The following SCAI variants were observed in gnomAD, a reference collection of about 807,000 sequenced individuals.
SCAI encodes protein SCAI.
Under a neutral mutation model 92.2 loss-of-function variants are expected in SCAI, and 24 were observed. That is an observed-to-expected ratio of 0.26 (90% confidence interval 0.19 to 0.37). The LOEUF (loss-of-function observed/expected upper bound fraction) is 0.37. SCAI is among the 10% of genes least tolerant of loss of function. The probability of loss-of-function intolerance (pLI) is 1.00; values close to 1 mark genes in which losing one functional copy is unlikely to be tolerated. For synonymous variants in SCAI, 261 were observed against 258.6 expected, an observed-to-expected ratio of 1.01 and a Z score of -0.09; for missense variants, 450 against 736.2, an observed-to-expected ratio of 0.61 and a Z score of 4.50.
intron 6 of SCAI, among the ~76,000 whole-genome samples, chr9:125,021,119 G>A (rs908024405): frequency 5.9e-5 from 9 of 152,028 alleles, no homozygotes; most frequent in Admixed American, 2.6e-4. Context: ...ACAACACAAC[G>A]GAATAATATA....
At chr9:125,024,959 G>A (rs967939771) in intron 6 of SCAI, among the ~76,000 whole-genome samples, 8 of 152,210 alleles carry the variant, frequency 5.3e-5, no homozygotes, top group Non-Finnish European at 1.0e-4. Context: ...TCCTGGTCTC[G>A]ACATAATCCT....
rs1831080616 is a variant in SCAI, at chr9:124,942,852, A to G, written c.*9955T>C. ...ATCCTCTAGTACTGAAGTGCCCTCA[A>G]GGTGGTAGGCACTGTATAGCAGGAG... On this transcript the variant is annotated 3_prime_UTR_variant, in exon 18 of 18. Transcript: ENST00000336505. The G allele has an allele frequency of 6.6e-6, 1 of 152,234 alleles. No homozygotes were observed. The highest frequency in any genetic ancestry group is 2.4e-5 in the African/African-American group (1 of 41,448). 9.4% of individuals were successfully genotyped at this position (152,234 alleles called of 1,614,324 possible).
chr9:124,964,614 T>A (rs1831503762), intron 17 of SCAI, among the ~76,000 whole-genome samples: 1 of 152,192 alleles, frequency 6.6e-6, no homozygotes, highest in African/African-American at 2.4e-5. Context: ...GGACCCCCCA[T>A]CTAGAGGCTG....
In SCAI at chr9:125,042,615, A is replaced by ATGTGTGTGTGTGTGTGTGTGTGTG. The variant is rs150983142; in HGVS notation, c.231-12877_231-12876insCACACACACACACACACACACACA. On this transcript the variant is annotated intron_variant, in intron 3 of 17. Transcript: ENST00000336505. ...CTAAATGCATGGCTTCCACCAGAGT[A>ATGTGTGTGTGTGTGTGTGTGTGTG]TGTGTGTGTGTGTGTGTGTACACAC... Among the ~76,000 whole-genome samples the ATGTGTGTGTGTGTGTGTGTGTGTG allele has an allele frequency of 4.7e-4, 49 of 105,198 alleles. 1 individual carries two copies. The highest frequency in any genetic ancestry group is 3.5e-3 in the Admixed American group (35 of 10,088). 69.0% of individuals were successfully genotyped at this position (105,198 alleles called of 152,430 possible).
At chr9:124,956,989 ATTT>A (rs35575491) in intron 17 of SCAI, among the ~76,000 whole-genome samples, 1 of 141,190 alleles carries the variant, frequency 7.1e-6, no homozygotes, top group Non-Finnish European at 1.5e-5. Context: ...GGTCAACTGT[ATTT>A]TTTTTTTTTT....
chr9:124,986,058 A>C, intron 14 of SCAI, among the ~76,000 whole-genome samples: 1 of 152,090 alleles, frequency 6.6e-6, no homozygotes, highest in East Asian at 1.9e-4. Flanking sequence ...TTGGGAGGCC[A>C]AGGCAGGCAG....
chr9:124,980,950 C>A lies in SCAI; in HGVS notation c.1327-4764G>T, dbSNP rs181414930. Among the ~76,000 whole-genome samples the A allele has an allele frequency of 1.6e-4, 24 of 152,206 alleles. No homozygotes were observed. In the East Asian group the frequency reaches 4.2e-3, roughly 27 times the overall value. ...AAATTTTAGGCCTGAGAAATAGTTTCTTTAAGGTGCTTTACATGTGGCTTT... is the reference window on the plus strand; with the variant it reads ...AAATTTTAGGCCTGAGAAATAGTTTATTTAAGGTGCTTTACATGTGGCTTT... On this transcript the variant is annotated intron_variant, in intron 14 of 17. Coordinates refer to ENST00000336505, the MANE Select transcript of SCAI (RefSeq NM_001144877.3).
chr9:125,090,152 T>C (rs1027661193), intron 2 of SCAI, among the ~76,000 whole-genome samples: 2 of 152,210 alleles, frequency 1.3e-5, no homozygotes, highest in Admixed American at 6.5e-5. Context: ...GTATACATAC[T>C]AGGAGCTAGG....
intron 17 of SCAI, among the ~76,000 whole-genome samples, chr9:124,964,470 GC>G (rs1831501254): frequency 6.6e-6 from 1 of 152,140 alleles, no homozygotes; most frequent in African/African-American, 2.4e-5. Context: ...TGGCTTTCAA[GC>G]CTTTTTCTGT....
At chr9:125,046,323 ACAC>A (rs1833440139) in intron 3 of SCAI, among the ~76,000 whole-genome samples, 1 of 42,074 alleles carries the variant, frequency 2.4e-5, no homozygotes, top group African/African-American at 8.7e-5. Flanking sequence ...ATATACACAC[ACAC>A]ACACACATAT....
Position 124,971,827 on chromosome 9 carries a change from T to C in SCAI, c.1417A>G (p.Ser473Gly). 6.3e-7 allele frequency: 1 copy of C among 1,596,780 alleles called. No individual in the cohort carries two copies. The highest frequency in any genetic ancestry group is 8.5e-7 in the Non-Finnish European group (1 of 1,175,424). ...TTGTTCAAAAAGAGAGTGAAGAGGCTACCTCGCTGAGATTGATCTGTAATA... is the reference window on the plus strand; with the variant it reads ...TTGTTCAAAAAGAGAGTGAAGAGGCCACCTCGCTGAGATTGATCTGTAATA... ...KALQDQSQRG[S>G]LFTLFLNNPL... Residue 473 changes from serine (S) to glycine (G), a missense_variant, in exon 16 of 18, where the codon AGC (serine) becomes GGC (glycine). By Grantham distance (56) the Ser-to-Gly change is moderately conservative (BLOSUM62 0). This residue lies in a region of SCAI where 360 missense variants were observed against 601.8 expected (regional missense o/e 0.60). Transcript: ENST00000336505.
chr9:125,114,949 GT>G (rs1835009379), intron 2 of SCAI, among the ~76,000 whole-genome samples: 2 of 151,826 alleles, frequency 1.3e-5, no homozygotes, highest in African/African-American at 4.8e-5. Flanking sequence ...ATTTTTATAT[GT>G]TTAGTAGAGA....
intron 14 of SCAI, among the ~76,000 whole-genome samples, chr9:124,977,390 C>G (rs187352277): frequency 7.4e-6 from 1 of 135,538 alleles, no homozygotes; most frequent in East Asian, 2.0e-4. Context: ...TACTTTACAC[C>G]TCAGTGAGGC....
In SCAI at chr9:125,019,149, C is replaced by T. The variant is rs1473013117; in HGVS notation, c.666G>A (p.Val222=). 1.9e-6 allele frequency: 3 copies of T among 1,604,798 alleles called. No homozygotes were observed. The Admixed American group carries it at 5.3e-5, about 28-fold the overall frequency. Residue 222 remains valine (V), a synonymous_variant, in exon 8 of 18, where the codon GTG becomes GTA. Coordinates refer to ENST00000336505, the MANE Select transcript of SCAI (RefSeq NM_001144877.3). The part of the protein sequence containing the change: ...YTHRFNTEDQ[V]EWNLVLQEVA... The stretch of plus-strand genomic sequence containing the variant: ...CTTCTTGAAGCACCAAGTTCCATTC[C>T]ACTTGATCTTCAGTATTAAATCGGT...
chr9:124,997,625 C>T (rs1832266303), intron 13 of SCAI, among the ~76,000 whole-genome samples: 1 of 152,154 alleles, frequency 6.6e-6, no homozygotes, highest in South Asian at 2.1e-4. Context: ...CCTGTAATCC[C>T]AGCACTTTGG....
chr9:124,986,159 C>T (rs913249450), intron 14 of SCAI, among the ~76,000 whole-genome samples: 7 of 151,792 alleles, frequency 4.6e-5, no homozygotes, highest in South Asian at 4.2e-4. Flanking sequence ...GGTGTGGTGG[C>T]GGGCACCTGC....
At chr9:125,131,025 T>C (rs1835389043) in intron 2 of SCAI, among the ~76,000 whole-genome samples, 1 of 143,450 alleles carries the variant, frequency 7.0e-6, no homozygotes, top group Non-Finnish European at 1.5e-5. Context: ...GCTCAAGTGA[T>C]GCTCCTACCT....
At chr9:125,109,653 T>TTATC (rs61141143) in intron 2 of SCAI, among the ~76,000 whole-genome samples, 79,201 of 147,770 alleles carry the variant, frequency 0.54, 21,317 homozygotes, top group Non-Finnish European at 0.58. Flanking sequence ...AGGTTTCCAT[T>TTATC]TATCTATCTA....
At chr9:125,113,668 T>A (rs1834975230) in intron 2 of SCAI, among the ~76,000 whole-genome samples, 1 of 150,574 alleles carries the variant, frequency 6.6e-6, no homozygotes, top group South Asian at 2.1e-4. Flanking sequence ...TAAAGATTTT[T>A]TTTTTTTTTT....
Sources: gnomAD v4.1 joint callset for allele counts (sites outside exome capture counted in the v4.1 genomes callset) on GRCh38, gnomAD v4.1.1 for gene constraint, gnomAD v4.1.1 regional missense constraint, MANE v1.5 for transcripts, NCBI Gene and HGNC (gene_info 2026-07-23, HGNC 2026-07-21) for gene names.